Variants in DGKI observed in about 807,000 individuals in gnomAD.
DGKI encodes diacylglycerol kinase iota.
Under a neutral mutation model 147.5 loss-of-function variants are expected in DGKI, and 55 were observed. The observed-to-expected ratio is 0.37, with a 90% confidence interval of 0.30 to 0.47. The LOEUF (loss-of-function observed/expected upper bound fraction) is 0.47, where lower values mean the gene tolerates loss of function less well. DGKI is among the 20% of genes least tolerant of loss of function. The pLI is 1.00. For synonymous variants in DGKI, 469 were observed against 477.1 expected, an observed-to-expected ratio of 0.98 and a Z score of 0.22; for missense variants, 1,007 against 1,323.8, an observed-to-expected ratio of 0.76 and a Z score of 3.71.
chr7:137,691,803 T>G (rs1267456405), intron 1 of DGKI, among the ~76,000 whole-genome samples: 2 of 120,574 alleles, frequency 1.7e-5, no homozygotes, highest in Non-Finnish European at 3.1e-5. Context: ...TTTGGGTTTT[T>G]TTTTTTTTTT....
chr7:137,544,685 C>T lies in DGKI; in HGVS notation c.2147+7684G>A, dbSNP rs965581404. ...ATTTAGACATGTATTCTTTTATGCA[C>T]TCATTCCACCAAGAAAACCAATCAA... On this transcript the variant is annotated intron_variant, in intron 20 of 32. Coordinates refer to ENST00000614521, the MANE Select transcript of DGKI (RefSeq NM_001321708.2). Among the ~76,000 whole-genome samples the T allele has an allele frequency of 3.9e-5, 6 of 152,014 alleles. No individual in the cohort carries two copies. In the South Asian group the frequency reaches 6.2e-4, roughly 16 times the overall value.
In DGKI at chr7:137,823,062, A is replaced by C. The variant is rs201230642; in HGVS notation, c.401+23400T>G. Among the ~76,000 whole-genome samples the C allele has an allele frequency of 1.1e-3, 147 of 130,210 alleles. 1 individual carries two copies. The East Asian group carries it at 0.013, about 12-fold the overall frequency. The allele number at this position is 130,210 out of a possible 152,430, so 85.4% of individuals were successfully genotyped here. On this transcript the variant is annotated intron_variant, in intron 1 of 32. Transcript: ENST00000614521. Reference sequence around the variant, plus strand: ...GGAGGAAAATATTCTCCCCCAACCCAAAAAAAAAAAATACCAGACAATTTC... The same window carrying C: ...GGAGGAAAATATTCTCCCCCAACCCCAAAAAAAAAAATACCAGACAATTTC...
At chr7:137,521,685 G>C (rs569083920) in intron 21 of DGKI, among the ~76,000 whole-genome samples, 181 bp downstream of exon 21, 2 of 152,076 alleles carry the variant, frequency 1.3e-5, no homozygotes, top group Non-Finnish European at 2.9e-5. Flanking sequence ...TCCTTTTCCA[G>C]TTCCTTTTTC....
chr7:137,486,632 T>G (rs1182078170), intron 22 of DGKI, among the ~76,000 whole-genome samples: 1 of 152,134 alleles, frequency 6.6e-6, no homozygotes, highest in Non-Finnish European at 1.5e-5. Context: ...ATATTTGTCA[T>G]CTATTTCTCA....
At chr7:137,697,808 A>G (rs1373475999) in intron 1 of DGKI, among the ~76,000 whole-genome samples, 2 of 152,136 alleles carry the variant, frequency 1.3e-5, no homozygotes, top group Non-Finnish European at 1.5e-5. Context: ...GTAAAATAAC[A>G]TCTTAAAAAA....
intron 21 of DGKI, among the ~76,000 whole-genome samples, chr7:137,498,579 AT>A (rs1275533674): frequency 3.9e-5 from 6 of 152,124 alleles, no homozygotes; most frequent in Admixed American, 3.3e-4. Context: ...AAAATTTGGA[AT>A]GTTTTTGAAC....
chr7:137,698,029 CAGAT>C (rs1485457754), intron 1 of DGKI, among the ~76,000 whole-genome samples: 20 of 150,512 alleles, frequency 1.3e-4, no homozygotes, highest in Non-Finnish European at 2.2e-4. Context: ...GATAAACAGA[CAGAT>C]AGATAGATAC....
intron 1 of DGKI, among the ~76,000 whole-genome samples, chr7:137,808,396 C>T (rs1272844867): frequency 3.3e-5 from 5 of 152,182 alleles, no homozygotes; most frequent in Non-Finnish European, 5.9e-5. Context: ...GCCTTGTTTA[C>T]AGTATTTCAT....
intron 19 of DGKI, among the ~76,000 whole-genome samples, chr7:137,561,482 G>A (rs549905812): frequency 2.0e-5 from 3 of 152,210 alleles, no homozygotes; most frequent in Non-Finnish European, 4.4e-5. Context: ...CAAGATAGAA[G>A]AAATAAATTT....
chr7:137,818,477 G>T (rs1169954449), intron 1 of DGKI, among the ~76,000 whole-genome samples: 1 of 152,040 alleles, frequency 6.6e-6, no homozygotes, highest in Non-Finnish European at 1.5e-5. Context: ...GCCCAGGCTG[G>T]AGTGCATGGC....
chr7:137,678,798 G>T lies in DGKI; in HGVS notation c.511-146C>A, dbSNP rs1823128914. On this transcript the variant is annotated intron_variant, in intron 2 of 32. Transcript: ENST00000614521. ...TTTGACCACTAAAAGTACTGCTAGA[G>T]TTGATTCTCCCGAAATTCTAAAAAG... 1.3e-5 allele frequency: 9 copies of T among 699,148 alleles called. No individual in the cohort carries two copies. In the South Asian group the frequency reaches 1.5e-4, roughly 11 times the overall value. The allele number at this position is 699,148 out of a possible 1,614,324, so 43.3% of individuals were successfully genotyped here.
intron 6 of DGKI, among the ~76,000 whole-genome samples, chr7:137,636,744 A>G (rs1821325814): frequency 6.6e-6 from 1 of 152,230 alleles, no homozygotes; most frequent in South Asian, 2.1e-4. Context: ...TGGGTGATGG[A>G]GGCAGATCCC....
At chr7:137,675,478 A>C (rs1206505281) in intron 3 of DGKI, among the ~76,000 whole-genome samples, 1 of 152,008 alleles carries the variant, frequency 6.6e-6, no homozygotes, top group Admixed American at 6.6e-5. Context: ...TGAGGTCAGG[A>C]GTTTGAGACC....
At chr7:137,468,804 C>G (rs1814761210) in intron 24 of DGKI, among the ~76,000 whole-genome samples, 1 of 152,108 alleles carries the variant, frequency 6.6e-6, no homozygotes, top group African/African-American at 2.4e-5. Context: ...CTCATATTCA[C>G]ATTTATATCC....
intron 15 of DGKI, among the ~76,000 whole-genome samples, chr7:137,581,458 T>C (rs1022908615): frequency 6.6e-6 from 1 of 152,148 alleles, no homozygotes. Context: ...TATTGCACTT[T>C]AATAGTGTTT....
At chr7:137,820,493 C>T (rs1023200584) in intron 1 of DGKI, among the ~76,000 whole-genome samples, 49 of 152,328 alleles carry the variant, frequency 3.2e-4, no homozygotes, top group African/African-American at 9.9e-4. Context: ...GGTGGGAGCA[C>T]TCAGGTGAAC....
At chr7:137,600,289 A>G (rs968834818) in intron 10 of DGKI, among the ~76,000 whole-genome samples, 33 of 152,230 alleles carry the variant, frequency 2.2e-4, no homozygotes, top group African/African-American at 5.5e-4. Context: ...GAATAAATAA[A>G]TAAAATAATA....
intron 2 of DGKI, among the ~76,000 whole-genome samples, chr7:137,685,323 C>T (rs984161155): frequency 1.3e-5 from 2 of 152,160 alleles, no homozygotes; most frequent in African/African-American, 2.4e-5. Flanking sequence ...TAAGAAAGAT[C>T]TTGGTGGCTT....
intron 21 of DGKI, among the ~76,000 whole-genome samples, chr7:137,518,529 G>A (rs947965953): frequency 6.6e-6 from 1 of 152,052 alleles, no homozygotes; most frequent in African/African-American, 2.4e-5. Context: ...TAAAAGCATT[G>A]TCAAACACTG....
Sources: allele counts gnomAD v4.1 joint callset (sites outside exome capture counted in the v4.1 genomes callset), GRCh38; gene constraint gnomAD v4.1.1; transcripts MANE v1.5; gene names NCBI Gene and HGNC (gene_info 2026-07-23, HGNC 2026-07-21).